CDH1: variants seen among roughly 807,000 people sequenced by gnomAD.
CDH1 encodes cadherin-1.
CDH1 carries 35 observed loss-of-function variants against 84.5 expected under a neutral mutation model. That is an observed-to-expected ratio of 0.41 (90% CI 0.32 to 0.55). The LOEUF (loss-of-function observed/expected upper bound fraction) is 0.55. Among genes scored for constraint, CDH1 ranks in the 20% least tolerant of loss-of-function variants. CDH1 has a pLI of 0.19. For missense variants in CDH1, 994 were observed against 1,126.6 expected (o/e 0.88, Z 1.68); for synonymous variants, 417 against 439.0 (o/e 0.95, Z 0.63).
At chr16:68,759,487 C>G (rs1247978703) in intron 2 of CDH1, among the ~76,000 whole-genome samples, 1 of 136,126 alleles carries the variant, frequency 7.3e-6, no homozygotes, top group Non-Finnish European at 1.6e-5. Flanking sequence ...TCTTTTCTTT[C>G]TTTTTTTTTT....
intron 15 of CDH1, 113 bp from the exon 16 acceptor site, chr16:68,833,177 G>A: frequency 2.3e-6 from 2 of 856,166 alleles, no homozygotes; most frequent in Non-Finnish European, 4.0e-6. Flanking sequence ...GCTCCGTGGT[G>A]TGCCACAAGT....
At chr16:68,806,122 A>ATGTTTATTTATT (rs377407300) in intron 3 of CDH1, among the ~76,000 whole-genome samples, 139 of 144,532 alleles carry the variant, frequency 9.6e-4, no homozygotes, top group African/African-American at 3.2e-3. Context: ...TAATTTTTGT[A>ATGTTTATTTATT]TATTTATTTA....
At chr16:68,739,327 G>A (rs1193328902) in intron 2 of CDH1, among the ~76,000 whole-genome samples, 2 of 152,196 alleles carry the variant, frequency 1.3e-5, no homozygotes, top group East Asian at 1.9e-4. Flanking sequence ...TGAGGCAGGA[G>A]AATTGCTTAA....
chr16:68,771,048 T>C (rs1019088048), intron 2 of CDH1: 1 of 152,000 alleles, frequency 6.6e-6, no homozygotes, highest in African/African-American at 2.4e-5. Context: ...TTGGAAATGA[T>C]GTGCAGGAGA....
In CDH1 at chr16:68,833,515, C is replaced by G. The variant is rs769544370; in HGVS notation, c.*16C>G. On this transcript the variant is annotated 3_prime_UTR_variant, in exon 16 of 16. Transcript: ENST00000261769. ...GGACGACTAGGGGACTCGAGAGAGGCGGGCCCCAGACCCATGTGCTGGGAA... is the reference window on the plus strand; with the variant it reads ...GGACGACTAGGGGACTCGAGAGAGGGGGGCCCCAGACCCATGTGCTGGGAA... 6.2e-7 allele frequency: 1 copy of G among 1,604,014 alleles called. No individual in the cohort carries two copies. The highest frequency in any genetic ancestry group is 1.1e-5 in the South Asian group (1 of 90,842).
chr16:68,742,338 G>T, intron 2 of CDH1: 1 of 151,926 alleles, frequency 6.6e-6, no homozygotes, highest in Non-Finnish European at 1.5e-5. Flanking sequence ...GGAGTGCAGT[G>T]ACGTGATCTC....
At position 68,815,744 on chromosome 16, in the gene CDH1, T is replaced by A. The variant is rs786203656; in HGVS notation, c.1550T>A (p.Met517Lys). ...ACTGCCCAGGAGCCAGACACATTTA[T>A]GGAACAGAAAATAACGTAAGTGTGA... ...SYTAQEPDTF[M>K]EQKITYRIWR... The change falls in exon 10 of 16, where the codon ATG (methionine) becomes AAG (lysine). Residue 517 changes from methionine (M) to lysine (K), a missense_variant. Coordinates refer to ENST00000261769, the MANE Select transcript of CDH1 (RefSeq NM_004360.5). 1 of 1,614,286 alleles carries A rather than the reference T, an allele frequency of 6.2e-7. No individual in the cohort carries two copies. Among genetic ancestry groups the A allele is most frequent in the Non-Finnish European group, 8.5e-7 (1 of 1,180,050 alleles).
Position 68,834,408 on chromosome 16 carries a change from G to T in CDH1, c.*909G>T. 1 of 380,726 alleles carries T rather than the reference G, an allele frequency of 2.6e-6. No homozygotes were observed. Among genetic ancestry groups the T allele is most frequent in the Non-Finnish European group, 5.1e-6 (1 of 195,574 alleles). The allele number at this position is 380,726 out of a possible 1,614,324, so 23.6% of individuals were successfully genotyped here. On this transcript the variant is annotated 3_prime_UTR_variant, in exon 16 of 16. Coordinates refer to ENST00000261769, the MANE Select transcript of CDH1 (RefSeq NM_004360.5). ...CCTTTTTATTTTTTTGTACAGATGG[G>T]GTCTTGCTATGTTGCCCAAGCTGGT...
intron 13 of CDH1, chr16:68,826,385 G>A (rs1198109767): frequency 1.3e-5 from 2 of 148,324 alleles, no homozygotes; most frequent in Non-Finnish European, 3.0e-5. Flanking sequence ...GAGCTCAAGT[G>A]ATCCTCCCAC....
At chr16:68,806,140 A>C (rs1034706261) in intron 3 of CDH1, among the ~76,000 whole-genome samples, 1 of 120,070 alleles carries the variant, frequency 8.3e-6, no homozygotes, top group African/African-American at 2.7e-5. Flanking sequence ...TTATTTATTT[A>C]TTTATTTATT....
At chr16:68,741,072 G>C (rs776579630) in intron 2 of CDH1, among the ~76,000 whole-genome samples, 1 of 151,636 alleles carries the variant, frequency 6.6e-6, no homozygotes, top group African/African-American at 2.4e-5. Flanking sequence ...GGTCAGACCC[G>C]GGGGAGGTGG....
chr16:68,828,057 C>G lies in CDH1; in HGVS notation c.2165-117C>G, dbSNP rs1961366485. Reference sequence around the variant, plus strand: ...ACATCTTCAAGTGTATTGAAGGCAGCTAGTGGCTGTCTAACTGCCCCCTGT... The same window carrying G: ...ACATCTTCAAGTGTATTGAAGGCAGGTAGTGGCTGTCTAACTGCCCCCTGT... On this transcript the variant is annotated intron_variant, in intron 13 of 15. Transcript: ENST00000261769. The G allele has an allele frequency of 7.4e-6, 8 of 1,082,614 alleles. No individual in the cohort carries two copies. The South Asian group carries it at 8.8e-5, about 12-fold the overall frequency. 67.1% of individuals were successfully genotyped at this position (1,082,614 alleles called of 1,614,324 possible). A position where few individuals can be genotyped will look rare whatever the true frequency, so the allele number is the denominator to read the frequency against.
rs536314715 is a variant in CDH1, at chr16:68,809,226, C to CTTTTT, written c.687+390_687+394dup. On this transcript the variant is annotated intron_variant, in intron 5 of 15. Transcript: ENST00000261769. ...CAAGAGCTTAGGAAAACCAAGAGGT[C>CTTTTT]TTTTTTTTTTTTTTTTGAGATAGGG... Among the ~76,000 whole-genome samples the CTTTTT allele has an allele frequency of 0.2, 27,544 of 134,866 alleles. 3,231 individuals carry two copies. Among genetic ancestry groups the CTTTTT allele is most frequent in the African/African-American group, 0.32 (11,801 of 36,318 alleles). The allele number at this position is 134,866 out of a possible 152,430, so 88.5% of individuals were successfully genotyped here.
intron 6 of CDH1, among the ~76,000 whole-genome samples, 194 bp from the exon 7 acceptor site, chr16:68,811,490 G>A (rs907089764): frequency 2.6e-5 from 4 of 151,542 alleles, no homozygotes; most frequent in Non-Finnish European, 5.9e-5. Context: ...ATTTATACCT[G>A]GATAATAAGT....
intron 15 of CDH1, among the ~76,000 whole-genome samples, chr16:68,832,181 C>T (rs1341180283): frequency 6.6e-6 from 1 of 151,864 alleles, no homozygotes; most frequent in African/African-American, 2.4e-5. Context: ...GGGTACTGGG[C>T]TAAATACCTG....
In CDH1 at chr16:68,742,479, C is replaced by G. The variant is rs114694368; in HGVS notation, c.163+4068C>G. Reference sequence around the variant, plus strand: ...ATTTTTAGTAGAGACAGGGTTTCGACTACGGCCATACCACCCTGAACGCGC... The same window carrying G: ...ATTTTTAGTAGAGACAGGGTTTCGAGTACGGCCATACCACCCTGAACGCGC... On this transcript the variant is annotated intron_variant, in intron 2 of 15. Transcript: ENST00000261769. 321 of 161,838 alleles carry G rather than the reference C, an allele frequency of 2.0e-3. 2 individuals are homozygous for G. Among genetic ancestry groups the G allele is most frequent in the African/African-American group, 7.6e-3 (315 of 41,696 alleles). The allele number at this position is 161,838 out of a possible 1,614,324, so 10.0% of individuals were successfully genotyped here.
At chr16:68,753,226 A>AAG (rs960016785) in intron 2 of CDH1, among the ~76,000 whole-genome samples, 1 of 151,594 alleles carries the variant, frequency 6.6e-6, no homozygotes, top group African/African-American at 2.4e-5. Flanking sequence ...AAAAAAAAAA[A>AAG]AAAAAAGCAA....
intron 2 of CDH1, among the ~76,000 whole-genome samples, chr16:68,749,276 A>G (rs1463030936): frequency 6.6e-6 from 1 of 152,220 alleles, no homozygotes; most frequent in Non-Finnish European, 1.5e-5. Flanking sequence ...GGGGAGGAAA[A>G]TTAGTTTTTG....
At chr16:68,819,733 A>G (rs986938837) in intron 11 of CDH1, among the ~76,000 whole-genome samples, 11 of 152,040 alleles carry the variant, frequency 7.2e-5, no homozygotes, top group Admixed American at 1.3e-4. Context: ...CTATCATTCC[A>G]CAATCTACAT....
Sources: gnomAD v4.1 joint callset for allele counts (sites outside exome capture counted in the v4.1 genomes callset) on GRCh38, gnomAD v4.1.1 for gene constraint, MANE v1.5 for transcripts, NCBI Gene and HGNC (gene_info 2026-07-23, HGNC 2026-07-21) for gene names.